EEF1AKMT2: variants seen among roughly 807,000 people sequenced by gnomAD.
The protein encoded by EEF1AKMT2 is EEF1A lysine methyltransferase 2.
Under a neutral mutation model 35.8 loss-of-function variants are expected in EEF1AKMT2, and 32 were observed. The observed-to-expected ratio is 0.89, with a 90% confidence interval of 0.67 to 1.20. EEF1AKMT2 has a LOEUF of 1.20. Ranked by LOEUF, EEF1AKMT2 falls within the 50% of genes most tolerant of loss-of-function variation. The pLI is 0.00. For missense variants in EEF1AKMT2, 330 were observed against 347.5 expected, an observed-to-expected ratio of 0.95 and a Z score of 0.40; for synonymous variants, 121 against 133.7, an observed-to-expected ratio of 0.91 and a Z score of 0.65.
chr10:124,782,081 A>G (rs1036513605), intron 3 of EEF1AKMT2, among the ~76,000 whole-genome samples: 1 of 152,236 alleles, frequency 6.6e-6, no homozygotes, highest in African/African-American at 2.4e-5. Context: ...TGCTTAAAGC[A>G]ACCACTAAAA....
chr10:124,780,063 ACT>A (rs757697358), intron 3 of EEF1AKMT2, among the ~76,000 whole-genome samples: 2 of 152,100 alleles, frequency 1.3e-5, no homozygotes, highest in Non-Finnish European at 2.9e-5. Context: ...ACAGAGCAAG[ACT>A]CTGTCTCAAA....
Position 124,791,784 on chromosome 10 carries a change from GACCGCGCCGCC to G in EEF1AKMT2, c.39_49del (p.Ala14GlyfsTer26). Reference sequence around the variant, plus strand: ...GTCCTCCCCGGGACTGCCCTTGTCCGACCGCGCCGCCACCGCAGCGCCACCGCCGCCGTCAG... The same window carrying G: ...GTCCTCCCCGGGACTGCCCTTGTCCGACCGCAGCGCCACCGCCGCCGTCAG... On this transcript the variant is annotated frameshift_variant, in exon 1 of 7. Transcript: ENST00000368836. LOFTEE classifies it high-confidence loss of function. 6.3e-7 allele frequency: 1 copy of G among 1,593,048 alleles called. No homozygotes were observed. Among genetic ancestry groups the G allele is most frequent in the Non-Finnish European group, 8.5e-7 (1 of 1,174,366 alleles).
chr10:124,779,609 G>A (rs528835067), intron 3 of EEF1AKMT2, among the ~76,000 whole-genome samples: 239 of 150,398 alleles, frequency 1.6e-3, no homozygotes, highest in African/African-American at 5.4e-3. Flanking sequence ...TTAGCCGGAC[G>A]TGGTGGCGGG....
intron 2 of EEF1AKMT2, 102 bp downstream of exon 2, chr10:124,790,171 G>C (rs1950621937): frequency 1.2e-6 from 1 of 868,836 alleles, no homozygotes; most frequent in Admixed American, 1.9e-5. Context: ...GGGATTACAG[G>C]CGTAAGCCAC....
intron 3 of EEF1AKMT2, among the ~76,000 whole-genome samples, chr10:124,782,497 G>A (rs1010726010): frequency 9.3e-5 from 14 of 150,238 alleles, no homozygotes; most frequent in Non-Finnish European, 3.0e-5. Context: ...CAGGAGAATG[G>A]CGTGAACCTG....
At chr10:124,770,444 A>G (rs1027917081) in intron 4 of EEF1AKMT2, among the ~76,000 whole-genome samples, 1 of 152,150 alleles carries the variant, frequency 6.6e-6, no homozygotes, top group Non-Finnish European at 1.5e-5. Flanking sequence ...ATTGTTAAAA[A>G]AACACTAACA....
intron 3 of EEF1AKMT2, among the ~76,000 whole-genome samples, chr10:124,786,839 A>G (rs995773585): frequency 4.6e-5 from 7 of 152,100 alleles, no homozygotes; most frequent in Non-Finnish European, 8.8e-5. Context: ...AGAAAAGAAA[A>G]TAATCTACAA....
intron 4 of EEF1AKMT2, among the ~76,000 whole-genome samples, chr10:124,769,748 A>C (rs769577647): frequency 6.6e-6 from 1 of 151,676 alleles, no homozygotes; most frequent in Non-Finnish European, 1.5e-5. Flanking sequence ...GGAGTTCAAG[A>C]CCAGCCTGAC....
rs937506000 is a variant in EEF1AKMT2 at position 124,784,759 on chromosome 10, T to C, written c.291+4284A>G. On this transcript the variant is annotated intron_variant, in intron 3 of 6. Coordinates refer to ENST00000368836, the MANE Select transcript of EEF1AKMT2 (RefSeq NM_212554.4). ...CAGCCTGGACAACATGGTGAAACGC[T>C]GTCTCTACTAAAAATACAAAAATTA... is the stretch of plus-strand genomic sequence containing the variant. 7.2e-5 allele frequency among the ~76,000 whole-genome samples: 11 copies of C among 151,990 alleles called. No homozygotes were observed. The Middle Eastern group carries it at 0.014, about 188-fold the overall frequency.
intron 4 of EEF1AKMT2, among the ~76,000 whole-genome samples, chr10:124,773,818 C>A (rs1402926561): frequency 3.9e-5 from 6 of 152,050 alleles, no homozygotes; most frequent in African/African-American, 1.4e-4. Context: ...CACACAGATA[C>A]AAAGTGAGAA....
chr10:124,788,994 T>G, intron 3 of EEF1AKMT2, 49 bp downstream of exon 3: 1 of 1,394,612 alleles, frequency 7.2e-7, no homozygotes. Flanking sequence ...CCTTTAAAAA[T>G]TTTCCTTTTA....
intron 3 of EEF1AKMT2, among the ~76,000 whole-genome samples, chr10:124,783,567 G>GT (rs1564909087): frequency 6.6e-6 from 1 of 152,176 alleles, no homozygotes; most frequent in Non-Finnish European, 1.5e-5. Context: ...CTTAACTGGC[G>GT]TATGACCCAG....
rs780972142 is a variant in EEF1AKMT2, at chr10:124,790,282, C to T, written c.167G>A (p.Gly56Asp). Residue 56 changes from glycine to aspartate, a missense_variant, in exon 2 of 7, where the codon GGT (glycine) becomes GAT (aspartate). Transcript: ENST00000368836. ...TCTTTTCCTAACTCACCAGATTTCA[C>T]CTGTATCTCCATATTCTCGGAAAGT... is the stretch of plus-strand genomic sequence containing the variant. ...LQTFREYGDT[G>D]EIWFGEESMN... The T allele has an allele frequency of 1.9e-6, 3 of 1,608,808 alleles. No individual in the cohort carries two copies. Among genetic ancestry groups the T allele is most frequent in the Non-Finnish European group, 2.6e-6 (3 of 1,175,294 alleles).
chr10:124,786,456 A>G (rs1305252216), intron 3 of EEF1AKMT2, among the ~76,000 whole-genome samples: 1 of 151,414 alleles, frequency 6.6e-6, no homozygotes, highest in African/African-American at 2.4e-5. Flanking sequence ...CAGTGAGCCG[A>G]GATCGCCCCA....
At chr10:124,783,283 C>T (rs1950558860) in intron 3 of EEF1AKMT2, among the ~76,000 whole-genome samples, 1 of 151,572 alleles carries the variant, frequency 6.6e-6, no homozygotes, top group African/African-American at 2.4e-5. Flanking sequence ...TGTGACTACT[C>T]AGGCAAACAC....
Position 124,789,162 on chromosome 10 carries a change from TA to T in EEF1AKMT2, c.177-6del, listed in dbSNP as rs1404978044. ...TTCATACTCTCTTCTCCAAACCTGT[TA>T]GAGAGAATCAGTCAAATAACTGAGG... On this transcript the variant is annotated splice_polypyrimidine_tract_variant and splice_region_variant and intron_variant, in intron 2 of 6. Transcript: ENST00000368836. 2 of 1,593,710 alleles carry T rather than the reference TA, an allele frequency of 1.3e-6. No individual in the cohort carries two copies. Among genetic ancestry groups the T allele is most frequent in the Non-Finnish European group, 1.7e-6 (2 of 1,163,136 alleles).
intron 4 of EEF1AKMT2, among the ~76,000 whole-genome samples, chr10:124,773,274 T>C (rs1950455287): frequency 6.6e-6 from 1 of 152,156 alleles, no homozygotes; most frequent in South Asian, 2.1e-4. Context: ...CTTAGCTCAC[T>C]GCAACCTCCA....
At chr10:124,773,204 T>C (rs534835726) in intron 4 of EEF1AKMT2, among the ~76,000 whole-genome samples, 37 of 152,306 alleles carry the variant, frequency 2.4e-4, no homozygotes, top group African/African-American at 8.9e-4. Flanking sequence ...CTTGTTTTTT[T>C]ATTTTTGTTT....
At chr10:124,765,748 C>T in intron 4 of EEF1AKMT2, 140 bp from the exon 5 acceptor site, 1 of 636,418 alleles carries the variant, frequency 1.6e-6, no homozygotes, top group Non-Finnish European at 2.6e-6. Flanking sequence ...ATATTTTCAA[C>T]TTTATAGCTA....
Sources: gnomAD v4.1 joint callset for allele counts (sites outside exome capture counted in the v4.1 genomes callset) on GRCh38, gnomAD v4.1.1 for gene constraint, MANE v1.5 for transcripts, NCBI Gene and HGNC (gene_info 2026-07-23, HGNC 2026-07-21) for gene names.